CCDC154: variants seen among roughly 807,000 people sequenced by gnomAD.
CCDC154 encodes the protein coiled-coil domain containing 154.
CCDC154 carries 91 observed loss-of-function variants against 87.5 expected under a neutral mutation model. That is an observed-to-expected ratio of 1.04 (90% CI 0.88 to 1.24). CCDC154 has a LOEUF of 1.24. CCDC154 is among the 50% of genes most tolerant of loss of function. The pLI is 0.00. For missense variants in CCDC154, 903 were observed against 879.2 expected (o/e 1.03, Z -0.34); for synonymous variants, 418 against 400.4 (o/e 1.04, Z -0.52).
Position 1,436,313 on chromosome 16 carries a change from G to A in CCDC154, c.1487+132C>T, listed in dbSNP as rs536020513. 25 of 924,192 alleles carry A rather than the reference G, an allele frequency of 2.7e-5. No homozygotes were observed. The South Asian group carries it at 3.8e-4, about 14-fold the overall frequency. 57.2% of individuals were successfully genotyped at this position (924,192 alleles called of 1,614,324 possible). On this transcript the variant is annotated intron_variant, in intron 13 of 16. Transcript: ENST00000389176. ...GGGTGGCAGGGTGAGCCCGGTGCTG[G>A]GCCAGGCCCGGGCTCAGGGGGAACA...
intron 6 of CCDC154, among the ~76,000 whole-genome samples, chr16:1,441,017 G>T (rs1341919730): frequency 3.3e-5 from 5 of 152,058 alleles, no homozygotes; most frequent in Non-Finnish European, 7.3e-5. Flanking sequence ...TACTGGGAAG[G>T]CTAAGGCAAG....
In CCDC154 at chr16:1,438,910, G is replaced by A; in HGVS notation, c.811C>T (p.Leu271=). ...MKASESSRLK[L]EGSLRGELES... is the part of the protein sequence containing the mutation. ...AGCTCGCCCCGCAGGCTGCCCTCCA[G>A]CTTCAGCCGTGAGCTCTCCGAGGCC... The change falls in exon 8 of 17, where the codon CTG becomes TTG. Residue 271 remains leucine (L), a synonymous_variant. Coordinates refer to ENST00000389176, the MANE Select transcript of CCDC154 (RefSeq NM_001143980.3). The A allele has an allele frequency of 6.5e-7, 1 of 1,549,582 alleles. No individual in the cohort carries two copies. The highest frequency in any genetic ancestry group is 2.4e-5 in the East Asian group (1 of 40,912).
At chr16:1,440,951 A>T (rs1256050443) in intron 6 of CCDC154, among the ~76,000 whole-genome samples, 4 of 76,268 alleles carry the variant, frequency 5.2e-5, no homozygotes, top group African/African-American at 1.2e-4. Flanking sequence ...ACTCCGTCTT[A>T]AAAAAAAAAA....
At chr16:1,435,603 G>A (rs1241830966) in intron 14 of CCDC154, among the ~76,000 whole-genome samples, 1 of 152,194 alleles carries the variant, frequency 6.6e-6, no homozygotes, top group Non-Finnish European at 1.5e-5. Flanking sequence ...TTGGCTCACC[G>A]CAACCTCCAC....
rs868731165 is a variant in CCDC154, at chr16:1,438,580, C to T, written c.1025+39G>A. The T allele has an allele frequency of 2.0e-5, 31 of 1,512,452 alleles. 2 individuals carry two copies. The Middle Eastern group carries it at 2.5e-3, about 124-fold the overall frequency. 93.7% of individuals were successfully genotyped at this position (1,512,452 alleles called of 1,614,324 possible). A position where few individuals can be genotyped will look rare whatever the true frequency, so the allele number is the denominator to read the frequency against. On this transcript the variant is annotated intron_variant, in intron 9 of 16. Coordinates refer to ENST00000389176, the MANE Select transcript of CCDC154 (RefSeq NM_001143980.3). ...CCCTCCTGAGTGGGACATCAGGGGT[C>T]CCCCCGCCTGACAGCACCTGAGGCC...
At position 1,436,038 on chromosome 16, in the gene CCDC154, T is replaced by C. The variant is rs2038498710; in HGVS notation, c.1536A>G (p.Ser512=). The change falls in exon 14 of 17, where the codon TCA becomes TCG. Residue 512 remains serine, a synonymous_variant. Transcript: ENST00000389176. ...ALRQELATLL[S]SVQLLKEDNP... is the part of the protein sequence containing the mutation. ...TGTCTTCCTTTAGCAGCTGCACGGA[T>C]GATAGTAGCGTGGCCAGCTCCTGCC... 1.9e-5 allele frequency: 29 copies of C among 1,550,192 alleles called. No homozygotes were observed. The highest frequency in any genetic ancestry group is 2.3e-5 in the Non-Finnish European group (26 of 1,146,882).
In CCDC154 at chr16:1,434,498, C is replaced by T; in HGVS notation, c.1914G>A (p.Arg638=). The T allele has an allele frequency of 1.3e-6, 2 of 1,549,642 alleles. No homozygotes were observed. Among genetic ancestry groups the T allele is most frequent in the Non-Finnish European group, 8.7e-7 (1 of 1,146,762 alleles). The change falls in exon 17 of 17, where the codon AGG becomes AGA. Residue 638 remains arginine (R), a synonymous_variant. Coordinates refer to ENST00000389176, the MANE Select transcript of CCDC154 (RefSeq NM_001143980.3). ...GGACCCCTCCTGGCCTCCGCAGGGCCCTGAGCTTTATGAGGGACGCCTTCC... is the reference window on the plus strand; with the variant it reads ...GGACCCCTCCTGGCCTCCGCAGGGCTCTGAGCTTTATGAGGGACGCCTTCC... ...LRWKASLIKL[R]ALRRPGGVLE...
At chr16:1,439,198 T>A in intron 6 of CCDC154, 72 bp from the exon 7 acceptor site, 1 of 1,352,538 alleles carries the variant, frequency 7.4e-7, no homozygotes, top group Non-Finnish European at 1.0e-6. Flanking sequence ...CTGCCCATGG[T>A]CTCCATCAGA....
In CCDC154 at chr16:1,434,476, C is replaced by T. The variant is rs369805573; in HGVS notation, c.1936G>A (p.Val646Ile). 3.4e-5 allele frequency: 53 copies of T among 1,549,956 alleles called. No individual in the cohort carries two copies. In the African/African-American group the frequency reaches 7.1e-4, roughly 21 times the overall value. ...TCCTGGCTGTGGGGCTTCTCCAGGA[C>T]CCCTCCTGGCCTCCGCAGGGCCCTG... ...KLRALRRPGGVLEKPHSQEQV... is the reference protein window; with the variant it reads ...KLRALRRPGGILEKPHSQEQV... Residue 646 changes from valine to isoleucine, a missense_variant, in exon 17 of 17, where the codon GTC becomes ATC. Physicochemically the swap from Val to Ile is conservative, Grantham distance 29. Coordinates refer to ENST00000389176, the MANE Select transcript of CCDC154 (RefSeq NM_001143980.3).
chr16:1,442,616 G>C, intron 5 of CCDC154, 87 bp from the exon 6 acceptor site: 3 of 1,403,242 alleles, frequency 2.1e-6, no homozygotes, highest in Non-Finnish European at 1.9e-6. Flanking sequence ...CCAGGCAGGA[G>C]GTGTACGACC....
In CCDC154 at chr16:1,442,866, C is replaced by T. The variant is rs760677984; in HGVS notation, c.551+14G>A. On this transcript the variant is annotated intron_variant, in intron 5 of 16. Coordinates refer to ENST00000389176, the MANE Select transcript of CCDC154 (RefSeq NM_001143980.3). ...CGCAAGCTCCGGAGCCAGCCACGGG[C>T]GGTGGGCGCCCACCTGAGGCCGGCC... The T allele has an allele frequency of 1.8e-5, 28 of 1,544,940 alleles. No homozygotes were observed. The highest frequency in any genetic ancestry group is 4.9e-5 in the East Asian group (2 of 40,882).
At chr16:1,438,230 C>A in intron 9 of CCDC154, 54 bp from the exon 10 acceptor site, 1 of 1,456,298 alleles carries the variant, frequency 6.9e-7, no homozygotes. Flanking sequence ...ACCTCTCAGC[C>A]CTGGGCCAGG....
chr16:1,440,346 A>G (rs916727712), intron 6 of CCDC154, among the ~76,000 whole-genome samples: 1 of 151,476 alleles, frequency 6.6e-6, no homozygotes, highest in Non-Finnish European at 1.5e-5. Flanking sequence ...GCTCCTTGGG[A>G]GGCTGAGGTA....
At position 1,442,381 on chromosome 16, in the gene CCDC154, C is replaced by A. The variant is rs1162451306; in HGVS notation, c.675+25G>T. ...TCCTCCTCGGCCCTCTGGGCGGCCC[C>A]CCTGAAGCCTGGGCCTGGTGGTACC... On this transcript the variant is annotated intron_variant, in intron 6 of 16. Transcript: ENST00000389176. 1.1e-5 allele frequency: 17 copies of A among 1,535,082 alleles called. No homozygotes were observed. Among genetic ancestry groups the A allele is most frequent in the Admixed American group, 2.1e-5 (1 of 48,398 alleles).
Position 1,436,824 on chromosome 16 carries a change from T to G in CCDC154, c.1291-13A>C. The G allele has an allele frequency of 6.5e-7, 1 of 1,550,316 alleles. No individual in the cohort carries two copies. The highest frequency in any genetic ancestry group is 8.7e-7 in the Non-Finnish European group (1 of 1,146,806). On this transcript the variant is annotated splice_polypyrimidine_tract_variant and intron_variant, in intron 11 of 16. Coordinates refer to ENST00000389176, the MANE Select transcript of CCDC154 (RefSeq NM_001143980.3). ...ATTCGGTCTTTGCCTGGGGTACAGA[T>G]GCCCAGTGAGGGACAAAGCCAAGAG...
Position 1,438,719 on chromosome 16 carries a change from G to A in CCDC154, c.925C>T (p.Gln309Ter), listed in dbSNP as rs1257755798. ...ACGGCAGCATCCAGGCCCTGGCACT[G>A]CTCCAGGAGGTGGCTCTCCTGCCAG... Reference protein sequence around the residue: ...GQHEESHLLEQCQGLDAAVAQ... With the variant: ...GQHEESHLLE The change falls in exon 9 of 17, where the codon CAG (glutamine) becomes TAG (stop). Residue 309 changes from glutamine (Q) to a stop codon, truncating the protein, a stop_gained. Transcript: ENST00000389176. LOFTEE classifies it high-confidence loss of function. 1 of 1,549,832 alleles carries A rather than the reference G, an allele frequency of 6.5e-7. No individual in the cohort carries two copies. The highest frequency in any genetic ancestry group is 1.2e-5 in the South Asian group (1 of 84,060).
Position 1,438,714 on chromosome 16 carries a change from G to C in CCDC154, c.930C>G (p.Cys310Trp). ...GGGCCACGGCAGCATCCAGGCCCTG[G>C]CACTGCTCCAGGAGGTGGCTCTCCT... ...QHEESHLLEQ[C>W]QGLDAAVAQL... is the part of the protein sequence containing the mutation. Residue 310 changes from cysteine to tryptophan, a missense_variant, in exon 9 of 17, where the codon TGC becomes TGG. Coordinates refer to ENST00000389176, the MANE Select transcript of CCDC154 (RefSeq NM_001143980.3). 3.9e-6 allele frequency: 6 copies of C among 1,549,928 alleles called. No homozygotes were observed. Among genetic ancestry groups the C allele is most frequent in the Non-Finnish European group, 5.2e-6 (6 of 1,146,736 alleles).
intron 6 of CCDC154, among the ~76,000 whole-genome samples, chr16:1,442,047 G>A (rs2038556597): frequency 6.6e-6 from 1 of 152,138 alleles, no homozygotes; most frequent in African/African-American, 2.4e-5. Flanking sequence ...CTCCTCAGTA[G>A]CTGAGGCTAC....
At chr16:1,443,218 C>A in intron 4 of CCDC154, 43 bp downstream of exon 4, 2 of 1,543,438 alleles carry the variant, frequency 1.3e-6, no homozygotes, top group Non-Finnish European at 1.7e-6. Context: ...CTCGCCACCA[C>A]CTCCCCGCCC....
Sources: gnomAD v4.1 joint callset for allele counts (sites outside exome capture counted in the v4.1 genomes callset) on GRCh38, gnomAD v4.1.1 for gene constraint, MANE v1.5 for transcripts, NCBI Gene and HGNC (gene_info 2026-07-23, HGNC 2026-07-21) for gene names.